SEMA3E: variants seen among roughly 807,000 people sequenced by gnomAD.
The protein encoded by SEMA3E is semaphorin 3E, also known as semaphorin-3E.
A neutral mutation model predicts 93.6 loss-of-function variants in SEMA3E; 49 were observed. That is an observed-to-expected ratio of 0.52 (90% CI 0.42 to 0.66). SEMA3E has a LOEUF of 0.66. SEMA3E is among the 30% of genes least tolerant of loss of function. The pLI is 0.00. For synonymous variants in SEMA3E, 363 were observed against 330.7 expected (o/e 1.10, Z -1.06); for missense variants, 906 against 964.8 (o/e 0.94, Z 0.81).
Position 83,425,962 on chromosome 7 carries a change from A to G in SEMA3E, c.457-7479T>C, listed in dbSNP as rs181119148. Among the ~76,000 whole-genome samples, 193 of 152,304 alleles carry G rather than the reference A, an allele frequency of 1.3e-3. 1 individual carries two copies. The highest frequency in any genetic ancestry group is 3.9e-3 in the African/African-American group (161 of 41,572). ...TCATACATACAAGTAGCCAACAACC[A>G]TATGAAAAAAAGCTCCACATCACTA... On this transcript the variant is annotated intron_variant, in intron 4 of 16. Coordinates refer to ENST00000643230, the MANE Select transcript of SEMA3E (RefSeq NM_012431.3).
At chr7:83,590,458 C>T (rs1251514569) in intron 1 of SEMA3E, among the ~76,000 whole-genome samples, 4 of 152,082 alleles carry the variant, frequency 2.6e-5, no homozygotes, top group Non-Finnish European at 5.9e-5. Flanking sequence ...GATGACAGAA[C>T]CCCTATTTTG....
chr7:83,387,516 A>G (rs772061210), intron 14 of SEMA3E, among the ~76,000 whole-genome samples: 1 of 152,094 alleles, frequency 6.6e-6, no homozygotes, highest in Admixed American at 6.6e-5. Context: ...TTTGTTCTAT[A>G]GCCATTATAA....
At chr7:83,417,336 G>A (rs1788573354) in intron 5 of SEMA3E, among the ~76,000 whole-genome samples, 1 of 152,040 alleles carries the variant, frequency 6.6e-6, no homozygotes, top group African/African-American at 2.4e-5. Flanking sequence ...ACTTGAATAT[G>A]TTTAGGGAAC....
chr7:83,502,411 G>A (rs1286504703), intron 1 of SEMA3E, among the ~76,000 whole-genome samples: 2 of 152,014 alleles, frequency 1.3e-5, no homozygotes, highest in South Asian at 2.1e-4. Flanking sequence ...CCTCAGCCCT[G>A]GTGTTGCTCC....
At chr7:83,632,070 G>A (rs747598031) in intron 1 of SEMA3E, among the ~76,000 whole-genome samples, 21 of 151,388 alleles carry the variant, frequency 1.4e-4, no homozygotes, top group East Asian at 7.8e-4. Context: ...CAGGAGAATC[G>A]CTTGAACCTG....
At chr7:83,465,439 C>T (rs867284798) in intron 4 of SEMA3E, among the ~76,000 whole-genome samples, 3 of 152,154 alleles carry the variant, frequency 2.0e-5, no homozygotes, top group African/African-American at 7.2e-5. Flanking sequence ...AGTTAAAGCA[C>T]GGGCTCTCTC....
intron 14 of SEMA3E, among the ~76,000 whole-genome samples, chr7:83,390,426 A>C (rs1266278584): frequency 1.3e-5 from 2 of 152,084 alleles, no homozygotes. Context: ...ATAGAAGAGC[A>C]AGGGGAAGAA....
chr7:83,438,430 T>C (rs1789046442), intron 4 of SEMA3E, among the ~76,000 whole-genome samples: 1 of 152,178 alleles, frequency 6.6e-6, no homozygotes, highest in South Asian at 2.1e-4. Flanking sequence ...ATTGACATCA[T>C]GGTCTAGATA....
intron 1 of SEMA3E, among the ~76,000 whole-genome samples, chr7:83,552,209 G>A (rs999973495): frequency 3.9e-5 from 6 of 152,140 alleles, no homozygotes; most frequent in East Asian, 1.9e-4. Context: ...CAGAGGGACC[G>A]GCTGGAGCCA....
chr7:83,370,942 A>G (rs556965043), intron 16 of SEMA3E, among the ~76,000 whole-genome samples: 12 of 152,270 alleles, frequency 7.9e-5, no homozygotes, highest in African/African-American at 2.9e-4. Context: ...CCTGAGCAGT[A>G]AGAATTGCTC....
intron 4 of SEMA3E, among the ~76,000 whole-genome samples, chr7:83,433,343 C>G (rs1584245881): frequency 1.3e-5 from 2 of 152,216 alleles, no homozygotes; most frequent in South Asian, 4.1e-4. Context: ...GTTTATATTT[C>G]ATAGCATGTT....
intron 14 of SEMA3E, among the ~76,000 whole-genome samples, chr7:83,387,837 ACGTT>A: frequency 7.1e-6 from 1 of 141,606 alleles, no homozygotes; most frequent in South Asian, 2.2e-4. Flanking sequence ...TATATATATA[ACGTT>A]ATATATATGT....
chr7:83,469,716 G>T (rs1397844655), intron 2 of SEMA3E, among the ~76,000 whole-genome samples: 2 of 152,090 alleles, frequency 1.3e-5, no homozygotes, highest in African/African-American at 4.8e-5. Context: ...ATGATTAAAG[G>T]ATGAATGACT....
intron 4 of SEMA3E, among the ~76,000 whole-genome samples, chr7:83,431,344 A>G (rs1410344677): frequency 1.3e-5 from 2 of 151,752 alleles, no homozygotes; most frequent in African/African-American, 4.8e-5. Flanking sequence ...TTAAATTTTT[A>G]TTAGAAAAAA....
chr7:83,443,011 G>A (rs1425820099), intron 4 of SEMA3E, among the ~76,000 whole-genome samples: 1 of 151,144 alleles, frequency 6.6e-6, no homozygotes, highest in African/African-American at 2.4e-5. Context: ...GAAACCAGAA[G>A]GGGAATACAG....
intron 4 of SEMA3E, among the ~76,000 whole-genome samples, chr7:83,453,175 C>G (rs1789399361): frequency 6.6e-6 from 1 of 151,882 alleles, no homozygotes; most frequent in African/African-American, 2.4e-5. Context: ...TTACAGGGGC[C>G]CACCACCACG....
intron 4 of SEMA3E, among the ~76,000 whole-genome samples, chr7:83,465,203 GAACA>G (rs947474271): frequency 6.6e-6 from 1 of 151,728 alleles, no homozygotes; most frequent in Non-Finnish European, 1.5e-5. Context: ...GCCCACCAGA[GAACA>G]AACCCCCTTT....
chr7:83,411,184 G>A (rs780975735), intron 5 of SEMA3E, among the ~76,000 whole-genome samples: 34 of 152,022 alleles, frequency 2.2e-4, no homozygotes, highest in African/African-American at 8.0e-4. Flanking sequence ...GCCACTAGGT[G>A]GCAGCCCTAT....
chr7:83,410,844 T>C (rs1426877939), intron 5 of SEMA3E, among the ~76,000 whole-genome samples: 2 of 152,116 alleles, frequency 1.3e-5, no homozygotes, highest in African/African-American at 4.8e-5. Flanking sequence ...AGTTGAGTTA[T>C]GTTTACCACA....
Sources: allele counts gnomAD v4.1 joint callset (sites outside exome capture counted in the v4.1 genomes callset), GRCh38; gene constraint gnomAD v4.1.1; transcripts MANE v1.5; gene names NCBI Gene and HGNC (gene_info 2026-07-23, HGNC 2026-07-21).